TMEM132C: variants seen among roughly 807,000 people sequenced by gnomAD.
TMEM132C encodes protein phosphatase 1, regulatory subunit 152.
In TMEM132C, 29 loss-of-function variants were observed where a neutral mutation model predicts 61.4. The ratio of observed to expected loss-of-function variants is 0.47; its 90% CI spans 0.35 to 0.64. The LOEUF (loss-of-function observed/expected upper bound fraction) is 0.64. Among genes scored for constraint, TMEM132C ranks in the 30% least tolerant of loss-of-function variants. The pLI, the probability that TMEM132C is intolerant of heterozygous loss-of-function variation, is 0.00. For missense variants in TMEM132C, 1,408 were observed against 1,476.9 expected (o/e 0.95, Z 0.76); for synonymous variants, 656 against 633.1 (o/e 1.04, Z -0.54).
At chr12:128,335,003 G>A (rs1200446576) in intron 1 of TMEM132C, among the ~76,000 whole-genome samples, 1 of 152,154 alleles carries the variant, frequency 6.6e-6, no homozygotes, top group African/African-American at 2.4e-5. Flanking sequence ...TAAATAGTTG[G>A]AGATTTCCAT....
At chr12:128,559,067 C>A (rs1325000272) in intron 3 of TMEM132C, among the ~76,000 whole-genome samples, 2 of 151,380 alleles carry the variant, frequency 1.3e-5, no homozygotes, top group Non-Finnish European at 2.9e-5. Context: ...TTAACACATA[C>A]CTTTCCGAAA....
chr12:128,407,540 C>T (rs1875387862), intron 1 of TMEM132C, among the ~76,000 whole-genome samples: 1 of 152,158 alleles, frequency 6.6e-6, no homozygotes. Flanking sequence ...GCTGGACTTG[C>T]TCACTTGTTT....
intron 2 of TMEM132C, among the ~76,000 whole-genome samples, chr12:128,530,665 G>A (rs1399441384): frequency 3.9e-5 from 6 of 152,058 alleles, no homozygotes; most frequent in Admixed American, 6.5e-5. Context: ...GGCTGGTCTC[G>A]AACTAATGAC....
chr12:128,364,882 TGA>T (rs1482253067), intron 1 of TMEM132C, among the ~76,000 whole-genome samples: 2 of 152,216 alleles, frequency 1.3e-5, no homozygotes. Flanking sequence ...TGGGAGGGAC[TGA>T]GTATCCCTGG....
At chr12:128,371,444 A>C (rs1193910359) in intron 1 of TMEM132C, among the ~76,000 whole-genome samples, 1 of 151,914 alleles carries the variant, frequency 6.6e-6, no homozygotes, top group African/African-American at 2.4e-5. Flanking sequence ...GAGCCAACAG[A>C]CTCATCTTGG....
intron 1 of TMEM132C, among the ~76,000 whole-genome samples, chr12:128,384,840 C>G (rs1422223281): frequency 1.3e-5 from 2 of 152,202 alleles, no homozygotes; most frequent in African/African-American, 4.8e-5. Context: ...AAGATGCGCA[C>G]ACTGAGACAT....
intron 2 of TMEM132C, among the ~76,000 whole-genome samples, chr12:128,511,167 C>T (rs1159918847): frequency 1.3e-5 from 2 of 152,238 alleles, no homozygotes; most frequent in South Asian, 2.1e-4. Context: ...AGCCACGCTG[C>T]AGTCCCAAGT....
chr12:128,359,330 A>G (rs749003753), intron 1 of TMEM132C, among the ~76,000 whole-genome samples: 1 of 152,182 alleles, frequency 6.6e-6, no homozygotes, highest in Non-Finnish European at 1.5e-5. Flanking sequence ...AAGAGAGAGC[A>G]TGTGCAGGGG....
intron 4 of TMEM132C, among the ~76,000 whole-genome samples, chr12:128,650,055 G>T (rs374464732): frequency 6.6e-5 from 10 of 152,272 alleles, no homozygotes; most frequent in African/African-American, 2.2e-4. Context: ...AGGAAAATTT[G>T]CTCAGCTACC....
intron 2 of TMEM132C, among the ~76,000 whole-genome samples, chr12:128,515,763 A>G (rs1363933644): frequency 6.6e-6 from 1 of 151,752 alleles, no homozygotes; most frequent in Non-Finnish European, 1.5e-5. Flanking sequence ...TGAACCCGGG[A>G]GGCGGAGTTT....
intron 1 of TMEM132C, among the ~76,000 whole-genome samples, chr12:128,343,463 A>G (rs1410292115): frequency 6.6e-6 from 1 of 151,226 alleles, no homozygotes; most frequent in African/African-American, 2.4e-5. Context: ...CCTTATTTAG[A>G]TATCCCTAAA....
chr12:128,413,006 A>G (rs57928340), intron 1 of TMEM132C, among the ~76,000 whole-genome samples: 2,076 of 152,134 alleles, frequency 0.014, 51 homozygotes, highest in African/African-American at 0.046. Flanking sequence ...TGCATTTAAA[A>G]CCAATGTTGA....
intron 1 of TMEM132C, among the ~76,000 whole-genome samples, chr12:128,344,459 A>G (rs1268517377): frequency 6.6e-6 from 1 of 152,026 alleles, no homozygotes; most frequent in African/African-American, 2.4e-5. Context: ...TGCCGGCAGT[A>G]TATGTTTTTA....
intron 3 of TMEM132C, among the ~76,000 whole-genome samples, chr12:128,564,645 A>G (rs1197303558): frequency 6.6e-6 from 1 of 152,182 alleles, no homozygotes; most frequent in Non-Finnish European, 1.5e-5. Flanking sequence ...GCCATTTAAA[A>G]TCAGTTCTGC....
At chr12:128,444,402 G>C (rs141057435) in intron 2 of TMEM132C, among the ~76,000 whole-genome samples, 1 of 152,184 alleles carries the variant, frequency 6.6e-6, no homozygotes, top group Non-Finnish European at 1.5e-5. Flanking sequence ...GGAAGGCTCC[G>C]GATGGAGCAA....
chr12:128,669,069 C>G (rs1402925316), intron 4 of TMEM132C, among the ~76,000 whole-genome samples: 2 of 152,202 alleles, frequency 1.3e-5, no homozygotes, highest in African/African-American at 4.8e-5. Context: ...TGTGCTTGCT[C>G]AAGGTACCCA....
intron 1 of TMEM132C, among the ~76,000 whole-genome samples, chr12:128,392,654 CA>C (rs1874806334): frequency 6.6e-6 from 1 of 152,120 alleles, no homozygotes; most frequent in East Asian, 1.9e-4. Context: ...AGGTGATATT[CA>C]AACTTTCTTA....
chr12:128,268,455 C>T (rs1412070991), intron 1 of TMEM132C, among the ~76,000 whole-genome samples: 2 of 152,160 alleles, frequency 1.3e-5, no homozygotes, highest in South Asian at 2.1e-4. Context: ...CAGCAGCTGC[C>T]CGAGTCCCGG....
At chr12:128,455,302 G>C (rs1870302937) in intron 2 of TMEM132C, among the ~76,000 whole-genome samples, 1 of 152,196 alleles carries the variant, frequency 6.6e-6, no homozygotes, top group South Asian at 2.1e-4. Flanking sequence ...AGTTTCACTC[G>C]AGACCAGGCT....
Sources: allele counts gnomAD v4.1 joint callset (sites outside exome capture counted in the v4.1 genomes callset), GRCh38; gene constraint gnomAD v4.1.1; transcripts MANE v1.5; gene names NCBI Gene and HGNC (gene_info 2026-07-23, HGNC 2026-07-21).